Variants in TTLL11 observed in about 807,000 individuals in gnomAD.
TTLL11 encodes tubulin polyglutamylase TTLL11.
TTLL11 carries 42 observed loss-of-function variants against 51.7 expected under a neutral mutation model. The ratio of observed to expected loss-of-function variants is 0.81; its 90% confidence interval spans 0.64 to 1.05. The LOEUF (loss-of-function observed/expected upper bound fraction) is 1.05. Ranked by LOEUF, TTLL11 falls within the 50% of genes least tolerant of loss-of-function variation. The probability of loss-of-function intolerance (pLI) is 0.00; values close to 1 mark genes in which losing one functional copy is unlikely to be tolerated. For missense variants in TTLL11, 799 were observed against 940.4 expected (o/e 0.85, Z 1.97); for synonymous variants, 381 against 383.5 (o/e 0.99, Z 0.08).
intron 6 of TTLL11, among the ~76,000 whole-genome samples, chr9:121,925,827 C>T (rs1840708464): frequency 6.6e-6 from 1 of 152,178 alleles, no homozygotes; most frequent in Non-Finnish European, 1.5e-5. Context: ...TCCCCTCCTC[C>T]ACCCTCACCC....
At chr9:122,071,720 G>A (rs1845735510) in intron 1 of TTLL11, among the ~76,000 whole-genome samples, 1 of 152,216 alleles carries the variant, frequency 6.6e-6, no homozygotes, top group South Asian at 2.1e-4. Flanking sequence ...TACCTGGCCT[G>A]AAAAGTGGAA....
intron 6 of TTLL11, among the ~76,000 whole-genome samples, chr9:121,968,604 C>T (rs60706083): frequency 0.16 from 23,631 of 152,038 alleles, 2,576 homozygotes; most frequent in African/African-American, 0.31. Context: ...GTTGCCAGGC[C>T]GGAGTGCAGT....
chr9:121,986,353 T>A (rs1199984900), intron 4 of TTLL11, among the ~76,000 whole-genome samples: 3 of 152,172 alleles, frequency 2.0e-5, no homozygotes, highest in Non-Finnish European at 2.9e-5. Context: ...CGGGCCCACA[T>A]GATAGTCCTA....
intron 6 of TTLL11, among the ~76,000 whole-genome samples, chr9:121,915,990 T>C (rs3048085): frequency 0.02 from 2,742 of 134,316 alleles, 111 homozygotes; most frequent in Admixed American, 0.029. Context: ...GACACACACA[T>C]ACACACACAC....
At chr9:122,069,400 G>A (rs1275872344) in intron 1 of TTLL11, among the ~76,000 whole-genome samples, 2 of 152,088 alleles carry the variant, frequency 1.3e-5, no homozygotes, top group Non-Finnish European at 2.9e-5. Context: ...AGGCTGGAAG[G>A]GGCTGGGCAT....
At chr9:121,858,825 A>C (rs1424925867) in intron 8 of TTLL11, among the ~76,000 whole-genome samples, 1 of 152,242 alleles carries the variant, frequency 6.6e-6, no homozygotes, top group African/African-American at 2.4e-5. Flanking sequence ...TGACTTTTCA[A>C]GCTGACATGG....
At chr9:121,944,152 G>A (rs1841584771) in intron 6 of TTLL11, among the ~76,000 whole-genome samples, 1 of 152,176 alleles carries the variant, frequency 6.6e-6, no homozygotes, top group Non-Finnish European at 1.5e-5. Flanking sequence ...ATCATTGAAG[G>A]ACTAAACTTT....
chr9:121,906,988 G>C (rs9409240), intron 6 of TTLL11, among the ~76,000 whole-genome samples: 107,665 of 151,924 alleles, frequency 0.71, 38,883 homozygotes, highest in East Asian at 0.94. Flanking sequence ...ACAACCACCC[G>C]CTACTCCCTA....
chr9:121,856,147 C>T (rs2131374468), intron 8 of TTLL11, among the ~76,000 whole-genome samples: 1 of 152,352 alleles, frequency 6.6e-6, no homozygotes, highest in South Asian at 2.1e-4. Flanking sequence ...TTGCAGCTCA[C>T]TGCAGCCTTG....
chr9:121,942,706 C>T (rs1588143134), intron 6 of TTLL11, among the ~76,000 whole-genome samples: 1 of 150,052 alleles, frequency 6.7e-6, no homozygotes, highest in Non-Finnish European at 1.5e-5. Flanking sequence ...CCTCCTGCTA[C>T]TCCCTCCCTC....
intron 6 of TTLL11, among the ~76,000 whole-genome samples, chr9:121,914,938 C>A (rs2131509211): frequency 6.6e-6 from 1 of 152,300 alleles, no homozygotes; most frequent in East Asian, 1.9e-4. Context: ...GGTCCTCTCA[C>A]CCAGACCTAT....
intron 3 of TTLL11, among the ~76,000 whole-genome samples, chr9:122,031,329 G>A (rs1236541574): frequency 6.6e-6 from 1 of 152,092 alleles, no homozygotes; most frequent in Admixed American, 6.5e-5. Context: ...TTTAAACAGA[G>A]CCTGACCTCC....
At chr9:121,994,205 TGGGCAGA>T (rs1843190342) in intron 3 of TTLL11, among the ~76,000 whole-genome samples, 2 of 151,256 alleles carry the variant, frequency 1.3e-5, no homozygotes, top group Non-Finnish European at 2.9e-5. Context: ...AGGAAGGACC[TGGGCAGA>T]TGATGTGCTG....
chr9:122,036,418 A>G (rs1564369171), intron 2 of TTLL11, among the ~76,000 whole-genome samples: 1 of 151,764 alleles, frequency 6.6e-6, no homozygotes, highest in East Asian at 2.0e-4. Flanking sequence ...GCTAAATCTG[A>G]TATGTCTAAT....
chr9:122,068,744 C>G (rs1448395723), intron 1 of TTLL11, among the ~76,000 whole-genome samples: 1 of 152,212 alleles, frequency 6.6e-6, no homozygotes, highest in Non-Finnish European at 1.5e-5. Context: ...AATCCATTTC[C>G]TCTTATTCCT....
At chr9:122,029,717 G>A (rs1206815666) in intron 3 of TTLL11, among the ~76,000 whole-genome samples, 1 of 152,130 alleles carries the variant, frequency 6.6e-6, no homozygotes, top group Non-Finnish European at 1.5e-5. Flanking sequence ...TTTAAAAATA[G>A]ATTTAGTGTA....
intron 6 of TTLL11, among the ~76,000 whole-genome samples, chr9:121,881,679 C>A (rs1212720827): frequency 6.6e-6 from 1 of 152,204 alleles, no homozygotes; most frequent in Non-Finnish European, 1.5e-5. Context: ...GAGTGCCATT[C>A]TGTATGGGAT....
intron 8 of TTLL11, among the ~76,000 whole-genome samples, chr9:121,829,308 T>C (rs1004122441): frequency 6.6e-6 from 1 of 152,028 alleles, no homozygotes; most frequent in African/African-American, 2.4e-5. Flanking sequence ...AGTACCCAAA[T>C]GGACAAAGCA....
chr9:121,973,892 T>A, intron 6 of TTLL11, 117 bp downstream of exon 6: 1 of 597,558 alleles, frequency 1.7e-6, no homozygotes, highest in Non-Finnish European at 2.8e-6. Context: ...TTAGAATTGT[T>A]TAAGATGTAA....
Sources: gnomAD v4.1 joint callset for allele counts (sites outside exome capture counted in the v4.1 genomes callset) on GRCh38, gnomAD v4.1.1 for gene constraint, MANE v1.5 for transcripts, NCBI Gene and HGNC (gene_info 2026-07-23, HGNC 2026-07-21) for gene names.